LAMB3: variants seen among roughly 807,000 people sequenced by gnomAD.
The protein encoded by LAMB3 is laminin subunit beta 3, also known as laminin subunit beta-3.
A neutral mutation model predicts 140.3 loss-of-function variants in LAMB3; 104 were observed. The ratio of observed to expected loss-of-function variants is 0.74; its 90% CI spans 0.63 to 0.87. The LOEUF is 0.87. LAMB3 is among the 40% of genes least tolerant of loss of function. LAMB3 has a pLI of 0.00. For missense variants in LAMB3, 1,531 were observed against 1,575.2 expected (o/e 0.97, Z 0.47); for synonymous variants, 592 against 602.9 (o/e 0.98, Z 0.26).
intron 8 of LAMB3, among the ~76,000 whole-genome samples, chr1:209,631,719 C>T (rs139364441): frequency 3.0e-4 from 45 of 152,328 alleles, no homozygotes; most frequent in African/African-American, 1.1e-3. Flanking sequence ...CTGTGTCACT[C>T]AGCCTTGGGT....
chr1:209,635,026 C>T (rs1230899844), intron 5 of LAMB3, among the ~76,000 whole-genome samples: 2 of 151,962 alleles, frequency 1.3e-5, no homozygotes, highest in Non-Finnish European at 1.5e-5. Context: ...CCACATTCCC[C>T]ACTCACCAGA....
rs544617603 is a variant in LAMB3, at chr1:209,615,347, G to T, written c.3443C>A (p.Thr1148Lys). 2.5e-5 allele frequency: 40 copies of T among 1,613,794 alleles called. No homozygotes were observed. In the East Asian group the frequency reaches 8.7e-4, roughly 35 times the overall value. ...QAIMLRSADL[T>K]GLEKRVEQIR... is the part of the protein sequence containing the mutation. ...CTGCTCCACACGCTTCTCCAGTCCT[G>T]TCAGGTCCGCTGAGCGCAGCATGAT... Residue 1148 changes from threonine (T) to lysine (K), a missense_variant, in exon 23 of 23, where the codon ACA becomes AAA. Physicochemically the swap from Thr to Lys is moderately conservative, Grantham distance 78 (BLOSUM62 -1). Transcript: ENST00000356082.
intron 3 of LAMB3, among the ~76,000 whole-genome samples, chr1:209,647,765 G>A (rs569473303): frequency 3.2e-4 from 49 of 152,212 alleles, no homozygotes; most frequent in African/African-American, 1.1e-3. Context: ...TGTTTCTCTC[G>A]GAAGTCTAAG....
intron 12 of LAMB3, 105 bp downstream of exon 12, chr1:209,627,278 G>A (rs1666497420): frequency 1.1e-6 from 1 of 942,484 alleles, no homozygotes; most frequent in Non-Finnish European, 1.6e-6. Context: ...CGCCCAGTCT[G>A]ACAGGGGAGA....
chr1:209,634,378 T>C, intron 6 of LAMB3, 69 bp downstream of exon 6: 1 of 1,494,618 alleles, frequency 6.7e-7, no homozygotes, highest in Non-Finnish European at 9.3e-7. Flanking sequence ...GGAGTCCGTG[T>C]GGCTGTGTGA....
chr1:209,624,133 T>A, intron 14 of LAMB3, 133 bp from the exon 15 acceptor site: 1 of 741,274 alleles, frequency 1.3e-6, no homozygotes, highest in Non-Finnish European at 2.2e-6. Flanking sequence ...GAACAGAGAA[T>A]CCACAGGCTA....
intron 3 of LAMB3, among the ~76,000 whole-genome samples, chr1:209,641,287 T>C (rs767860147): frequency 3.9e-5 from 6 of 152,168 alleles, no homozygotes; most frequent in Non-Finnish European, 8.8e-5. Flanking sequence ...TAATAAAGCA[T>C]CAGTAGTAAG....
chr1:209,630,817 T>C, intron 8 of LAMB3, 82 bp from the exon 9 acceptor site: 1 of 1,495,168 alleles, frequency 6.7e-7, no homozygotes, highest in South Asian at 1.1e-5. Flanking sequence ...CCTCTGACCC[T>C]CTGCGCACCA....
In LAMB3 at chr1:209,627,543, A is replaced by G. The variant is rs898091931; in HGVS notation, c.1325T>C (p.Met442Thr). The G allele has an allele frequency of 9.3e-6, 15 of 1,613,954 alleles. No homozygotes were observed. The highest frequency in any genetic ancestry group is 1.3e-5 in the Non-Finnish European group (15 of 1,180,038). Reference sequence around the variant, plus strand: ...GCGCCCACTCTCCTCGTCACACGGCATGTCCCTCCGGGACCCCAGGATGTT... The same window carrying G: ...GCGCCCACTCTCCTCGTCACACGGCGTGTCCCTCCGGGACCCCAGGATGTT... Reference protein sequence around the residue: ...DCNILGSRRDMPCDEESGRCL... With the variant: ...DCNILGSRRDTPCDEESGRCL... The change falls in exon 12 of 23, where the codon ATG (methionine) becomes ACG (threonine). Residue 442 changes from methionine (M) to threonine (T), a missense_variant. By Grantham distance (81) the Met-to-Thr change is moderately conservative. Transcript: ENST00000356082.
intron 18 of LAMB3, among the ~76,000 whole-genome samples, chr1:209,619,176 C>T (rs1215402836): frequency 1.3e-5 from 2 of 152,234 alleles, no homozygotes; most frequent in African/African-American, 2.4e-5. Context: ...CAACCCCAGC[C>T]ATCCAATCTA....
At chr1:209,632,231 A>G (rs1180747268) in intron 8 of LAMB3, among the ~76,000 whole-genome samples, 1 of 152,230 alleles carries the variant, frequency 6.6e-6, no homozygotes, top group Non-Finnish European at 1.5e-5. Flanking sequence ...TTAAAAGCCA[A>G]TCATAAAATT....
intron 9 of LAMB3, 49 bp from the exon 10 acceptor site, chr1:209,629,974 T>C: frequency 6.4e-7 from 1 of 1,566,204 alleles, no homozygotes; most frequent in South Asian, 1.1e-5. Context: ...ACCTTTGCTA[T>C]CTACAGAGCA....
chr1:209,648,793 G>C (rs1452345984), intron 3 of LAMB3, among the ~76,000 whole-genome samples: 2 of 151,928 alleles, frequency 1.3e-5, no homozygotes, highest in Non-Finnish European at 2.9e-5. Flanking sequence ...TTTAGATATG[G>C]GCTCATAATT....
At chr1:209,630,525 C>T (rs1666640623) in intron 9 of LAMB3, 90 bp downstream of exon 9, 1 of 1,376,870 alleles carries the variant, frequency 7.3e-7, no homozygotes, top group Non-Finnish European at 1.0e-6. Flanking sequence ...AAGACTGGAT[C>T]CCCCTGCATC....
intron 10 of LAMB3, among the ~76,000 whole-genome samples, chr1:209,628,652 C>T (rs2076354): frequency 6.1e-5 from 9 of 148,598 alleles, no homozygotes; most frequent in South Asian, 2.1e-4. Flanking sequence ...GCTGAGATGG[C>T]GCCATTGCAC....
At position 209,625,720 on chromosome 1, in the gene LAMB3, C is replaced by G; in HGVS notation, c.1904G>C (p.Arg635Pro). ...LDAKSKIEQI[R>P]AVLSSPAVTE... ...GACTGCGGGGCTGCTGAGAACTGCT[C>G]GGATCTGCTCAATCTTACTCTTTGC... The change falls in exon 14 of 23, where the codon CGA becomes CCA. Residue 635 changes from arginine to proline, a missense_variant. Transcript: ENST00000356082. 1 of 1,614,122 alleles carries G rather than the reference C, an allele frequency of 6.2e-7. No individual in the cohort carries two copies. Among genetic ancestry groups the G allele is most frequent in the Non-Finnish European group, 8.5e-7 (1 of 1,180,030 alleles).
intron 13 of LAMB3, 91 bp from the exon 14 acceptor site, chr1:209,626,117 G>A (rs1666442228): frequency 2.3e-5 from 32 of 1,364,722 alleles, no homozygotes; most frequent in Non-Finnish European, 3.1e-5. Flanking sequence ...TCTGACCTGA[G>A]GCTCTTTCTA....
intron 8 of LAMB3, 58 bp downstream of exon 8, chr1:209,632,525 T>C (rs778672450): frequency 1.4e-6 from 2 of 1,393,148 alleles, no homozygotes; most frequent in Non-Finnish European, 2.0e-6. Flanking sequence ...CCCAAGAATG[T>C]CTGTAGTCTG....
intron 18 of LAMB3, among the ~76,000 whole-genome samples, chr1:209,620,388 TG>T (rs1244653331): frequency 6.6e-6 from 1 of 152,082 alleles, no homozygotes; most frequent in African/African-American, 2.4e-5. Flanking sequence ...GGAGGCTGCC[TG>T]GAGAGTGGGA....
Sources: allele counts gnomAD v4.1 joint callset (sites outside exome capture counted in the v4.1 genomes callset), GRCh38; gene constraint gnomAD v4.1.1; transcripts MANE v1.5; gene names NCBI Gene and HGNC (gene_info 2026-07-23, HGNC 2026-07-21).